Variants in MBP observed in about 807,000 individuals in gnomAD.
The protein encoded by MBP is myelin basic protein.
Under a neutral mutation model 35.8 loss-of-function variants are expected in MBP, and 16 were observed. The ratio of observed to expected loss-of-function variants is 0.45; its 90% CI spans 0.30 to 0.68. The LOEUF is 0.68. Ranked by LOEUF, MBP falls within the 30% of genes least tolerant of loss-of-function variation. The pLI is 0.08. For synonymous variants in MBP, 143 were observed against 159.6 expected, an observed-to-expected ratio of 0.90 and a Z score of 0.78; for missense variants, 380 against 404.7, an observed-to-expected ratio of 0.94 and a Z score of 0.52.
chr18:77,067,911 G>C, intron 2 of MBP: 1 of 468,174 alleles, frequency 2.1e-6, no homozygotes, highest in South Asian at 1.5e-5. Context: ...TGTACTGCAG[G>C]CTGTTTGTTC....
chr18:77,065,197 T>C (rs939602084), intron 3 of MBP, among the ~76,000 whole-genome samples: 2 of 152,204 alleles, frequency 1.3e-5, no homozygotes, highest in African/African-American at 4.8e-5. Context: ...AGAAAATAAA[T>C]TTATTCCTTA....
chr18:77,081,661 A>G (rs1204596892), intron 2 of MBP, among the ~76,000 whole-genome samples: 2 of 151,934 alleles, frequency 1.3e-5, no homozygotes, highest in South Asian at 2.1e-4. Flanking sequence ...AAGTTACCAC[A>G]TGACCCACAA....
chr18:77,082,784 G>A (rs920414738), intron 2 of MBP, among the ~76,000 whole-genome samples: 14 of 130,344 alleles, frequency 1.1e-4, no homozygotes, highest in African/African-American at 3.1e-4. Flanking sequence ...TCTGGGGGAC[G>A]CCATGTGGCT....
At chr18:77,115,780 G>T (rs1157814472) in intron 1 of MBP, 1 of 151,678 alleles carries the variant, frequency 6.6e-6, no homozygotes, top group African/African-American at 2.4e-5. Context: ...GCTCTGAGCT[G>T]ATCTCCTAAG....
chr18:77,084,198 T>C (rs1397347053), intron 2 of MBP, among the ~76,000 whole-genome samples: 2 of 152,060 alleles, frequency 1.3e-5, no homozygotes, highest in African/African-American at 2.4e-5. Context: ...TGTGAGATCA[T>C]TTTGTAGTGT....
chr18:77,105,140 T>A (rs1459207145), intron 2 of MBP, 71 bp downstream of exon 2: 1 of 1,493,838 alleles, frequency 6.7e-7, no homozygotes, highest in Non-Finnish European at 9.3e-7. Flanking sequence ...CCGTAGCCTC[T>A]GACACACCAA....
At chr18:76,990,153 C>A in intron 4 of MBP, 93 bp from the exon 5 acceptor site, 2 of 740,992 alleles carry the variant, frequency 2.7e-6, no homozygotes, top group Non-Finnish European at 4.3e-6. Flanking sequence ...CCTTTGTAAT[C>A]TGGATTTTTT....
At chr18:77,035,939 G>A (rs1972746768) in intron 3 of MBP, among the ~76,000 whole-genome samples, 1 of 152,226 alleles carries the variant, frequency 6.6e-6, no homozygotes, top group Non-Finnish European at 1.5e-5. Flanking sequence ...ACTAGGACAG[G>A]CTCCTAGGAA....
chr18:76,980,742 A>C (rs1354215126), intron 8 of MBP: 1 of 462,928 alleles, frequency 2.2e-6, no homozygotes, highest in African/African-American at 2.0e-5. Flanking sequence ...ACTGCTCTGC[A>C]AAACAACGCT....
At chr18:77,077,647 G>A (rs902890854) in intron 2 of MBP, among the ~76,000 whole-genome samples, 10 of 152,144 alleles carry the variant, frequency 6.6e-5, no homozygotes, top group Admixed American at 1.3e-4. Flanking sequence ...GGGCCGGCCC[G>A]GGGCGGTGGC....
In MBP at chr18:76,979,945, G is replaced by A. The variant is rs1969083789; in HGVS notation, c.*482C>T. ...AGGAAAAATGAAGTCTACTTTAGGA[G>A]GTGAGAGAAGGACAGGAAAAAAAAA... On this transcript the variant is annotated 3_prime_UTR_variant, in exon 9 of 9. Coordinates refer to ENST00000355994, the MANE Select transcript of MBP (RefSeq NM_001025101.2). 5.7e-6 allele frequency: 4 copies of A among 702,428 alleles called. No individual in the cohort carries two copies. Among genetic ancestry groups the A allele is most frequent in the Non-Finnish European group, 1.0e-5 (4 of 385,008 alleles). 43.5% of individuals were successfully genotyped at this position (702,428 alleles called of 1,614,324 possible).
At chr18:77,036,842 T>A (rs982327136) in intron 3 of MBP, among the ~76,000 whole-genome samples, 3 of 137,666 alleles carry the variant, frequency 2.2e-5, no homozygotes, top group Non-Finnish European at 4.6e-5. Context: ...CAAGTGCTGG[T>A]CACATTTTGG....
chr18:77,010,327 G>A (rs1764980282), intron 4 of MBP, among the ~76,000 whole-genome samples: 1 of 152,238 alleles, frequency 6.6e-6, no homozygotes. Flanking sequence ...GCCTTTCCCA[G>A]TCTGGAGCAA....
At chr18:77,029,829 T>C (rs1406530407) in intron 3 of MBP, among the ~76,000 whole-genome samples, 1 of 151,944 alleles carries the variant, frequency 6.6e-6, no homozygotes. Flanking sequence ...ACTGACCTGA[T>C]TTGACAGATC....
At chr18:77,056,914 C>T (rs56142212) in intron 3 of MBP, among the ~76,000 whole-genome samples, 75,981 of 151,820 alleles carry the variant, frequency 0.5, 19,192 homozygotes, top group East Asian at 0.63. Context: ...GAGAGGCTGC[C>T]GAGGAGAACC....
chr18:77,026,957 C>G (rs1972247479), intron 3 of MBP, among the ~76,000 whole-genome samples: 2 of 152,164 alleles, frequency 1.3e-5, no homozygotes, highest in Admixed American at 6.5e-5. Flanking sequence ...TGAAAATTAC[C>G]ATCCCTCAGG....
At chr18:77,047,111 CA>C (rs1973289476) in intron 3 of MBP, among the ~76,000 whole-genome samples, 1 of 152,216 alleles carries the variant, frequency 6.6e-6, no homozygotes, top group South Asian at 2.1e-4. Context: ...ACGTAACAGA[CA>C]AAACAAAGGC....
chr18:77,062,809 T>C (rs2144780166), intron 3 of MBP, among the ~76,000 whole-genome samples: 1 of 152,340 alleles, frequency 6.6e-6, no homozygotes, highest in Admixed American at 6.5e-5. Context: ...CAGTCTTAAC[T>C]CGGGGACTCT....
chr18:76,986,947 T>C, intron 7 of MBP: 1 of 985,418 alleles, frequency 1.0e-6, no homozygotes. Flanking sequence ...AAGTGGGGGC[T>C]CTCTGGAACT....
Sources: gnomAD v4.1 joint callset for allele counts (sites outside exome capture counted in the v4.1 genomes callset) on GRCh38, gnomAD v4.1.1 for gene constraint, MANE v1.5 for transcripts, NCBI Gene and HGNC (gene_info 2026-07-23, HGNC 2026-07-21) for gene names.